Variants in CNTN4 observed in about 807,000 individuals in gnomAD.
The protein encoded by CNTN4 is contactin 4, also known as contactin-4.
Under a neutral mutation model 122.5 loss-of-function variants are expected in CNTN4, and 77 were observed. The observed-to-expected ratio is 0.63, with a 90% CI of 0.52 to 0.76. The LOEUF (loss-of-function observed/expected upper bound fraction) is 0.76. CNTN4 is among the 30% of genes least tolerant of loss of function. CNTN4 has a pLI of 0.00. For missense variants in CNTN4, 1,256 were observed against 1,259.1 expected (o/e 1.00, Z 0.04); for synonymous variants, 512 against 447.0 (o/e 1.15, Z -1.83).
At chr3:2,124,164 C>T (rs1025517658) in intron 2 of CNTN4, among the ~76,000 whole-genome samples, 4 of 151,874 alleles carry the variant, frequency 2.6e-5, no homozygotes, top group Non-Finnish European at 4.4e-5. Flanking sequence ...AATTCCCAAC[C>T]CACTGACAGA....
rs936476424 is a variant in CNTN4, at chr3:2,619,803, G to T, written c.55+48245G>T. On this transcript the variant is annotated intron_variant, in intron 4 of 24. Transcript: ENST00000418658. Reference sequence around the variant, plus strand: ...ATAACGCAACATAGACAGACTACCAGGAATGCAACTGCTTATATCCTCTCT... The same window carrying T: ...ATAACGCAACATAGACAGACTACCATGAATGCAACTGCTTATATCCTCTCT... Among the ~76,000 whole-genome samples, 27 of 152,280 alleles carry T rather than the reference G, an allele frequency of 1.8e-4. No individual in the cohort carries two copies. In the East Asian group the frequency reaches 5.2e-3, roughly 29 times the overall value.
chr3:3,048,818 C>G (rs1051698041), intron 23 of CNTN4, among the ~76,000 whole-genome samples: 9 of 152,114 alleles, frequency 5.9e-5, no homozygotes, highest in Non-Finnish European at 1.2e-4. Context: ...ACTAAGTTGT[C>G]TGAATTCTTT....
intron 2 of CNTN4, among the ~76,000 whole-genome samples, chr3:2,231,033 A>G (rs967651815): frequency 2.0e-5 from 3 of 152,210 alleles, no homozygotes; most frequent in East Asian, 3.8e-4. Context: ...AATCAAAAAT[A>G]TAATTTAAAC....
intron 17 of CNTN4, among the ~76,000 whole-genome samples, chr3:3,036,686 G>A (rs1258978055): frequency 2.0e-5 from 3 of 151,906 alleles, no homozygotes; most frequent in African/African-American, 7.3e-5. Flanking sequence ...AGAATTGCAT[G>A]AGTCTGGGAG....
At chr3:2,373,728 A>G (rs1307677435) in intron 3 of CNTN4, among the ~76,000 whole-genome samples, 1 of 152,166 alleles carries the variant, frequency 6.6e-6, no homozygotes, top group Non-Finnish European at 1.5e-5. Flanking sequence ...TAAAGCTTCT[A>G]TTGTCATATT....
rs2093883961 is a variant in CNTN4, at chr3:2,879,617, T to C, written c.653-3528T>C. The stretch of plus-strand genomic sequence containing the variant: ...AAAGACCACATATTGCACAATTTAA[T>C]TTATAGGAAATATTCAGAAAAAAAG... On this transcript the variant is annotated intron_variant, in intron 8 of 24. Transcript: ENST00000418658. Among the ~76,000 whole-genome samples the C allele has an allele frequency of 2.7e-5, 4 of 147,574 alleles. No individual in the cohort carries two copies. In the South Asian group the frequency reaches 8.8e-4, roughly 32 times the overall value.
intron 3 of CNTN4, among the ~76,000 whole-genome samples, chr3:2,410,336 A>G (rs2047184808): frequency 6.6e-6 from 1 of 152,206 alleles, no homozygotes; most frequent in South Asian, 2.1e-4. Context: ...TTAGATAAAG[A>G]TTGTTACAGA....
At chr3:2,252,566 C>G (rs1367002562) in intron 2 of CNTN4, among the ~76,000 whole-genome samples, 2 of 152,010 alleles carry the variant, frequency 1.3e-5, no homozygotes, top group African/African-American at 4.8e-5. Context: ...ACTCTTACTA[C>G]TATTTCATAG....
intron 2 of CNTN4, among the ~76,000 whole-genome samples, chr3:2,176,173 G>A (rs2036740261): frequency 1.3e-5 from 2 of 152,132 alleles, no homozygotes; most frequent in Admixed American, 1.3e-4. Flanking sequence ...CCAATGACAG[G>A]CCTTCTAGGA....
At chr3:2,690,294 A>G (rs912469405) in intron 4 of CNTN4, among the ~76,000 whole-genome samples, 1 of 152,132 alleles carries the variant, frequency 6.6e-6, no homozygotes, top group Admixed American at 6.6e-5. Flanking sequence ...TTCCCCACGA[A>G]TATTCTCATC....
At chr3:2,759,410 G>C (rs2090486165) in intron 6 of CNTN4, among the ~76,000 whole-genome samples, 1 of 152,148 alleles carries the variant, frequency 6.6e-6, no homozygotes, top group African/African-American at 2.4e-5. Context: ...GCCTCCCAAA[G>C]TGCTGGGATT....
At position 2,745,585 on chromosome 3, in the gene CNTN4, G is replaced by A. The variant is rs751787735; in HGVS notation, c.246G>A (p.Gly82=). 6.2e-7 allele frequency: 1 copy of A among 1,614,060 alleles called. No homozygotes were observed. Among genetic ancestry groups the A allele is most frequent in the South Asian group, 1.1e-5 (1 of 91,076 alleles). Residue 82 remains glycine (G), a synonymous_variant, in exon 6 of 25, where the codon GGG becomes GGA. Coordinates refer to ENST00000418658, the MANE Select transcript of CNTN4 (RefSeq NM_175607.3). ...GMDFRYSVVE[G]SLLINNPNKT... ...ATTTCCGCTACAGTGTTGTTGAAGG[G>A]AGCTTGTTGATCAATAACCCCAATA...
chr3:2,191,763 G>A (rs1376814276), intron 2 of CNTN4, among the ~76,000 whole-genome samples: 1 of 151,358 alleles, frequency 6.6e-6, no homozygotes, highest in Non-Finnish European at 1.5e-5. Context: ...TAAGTTCTAG[G>A]GTACATGTGC....
intron 6 of CNTN4, among the ~76,000 whole-genome samples, chr3:2,809,425 G>A (rs887378527): frequency 2.0e-5 from 3 of 152,194 alleles, no homozygotes; most frequent in Non-Finnish European, 2.9e-5. Context: ...GGCCATTACG[G>A]TATAACTAAG....
At chr3:2,451,191 G>C (rs1026052799) in intron 3 of CNTN4, among the ~76,000 whole-genome samples, 1 of 152,010 alleles carries the variant, frequency 6.6e-6, no homozygotes, top group Non-Finnish European at 1.5e-5. Context: ...CTTGAAACTA[G>C]GTATATTATT....
At chr3:2,552,690 G>A (rs1462028601) in intron 3 of CNTN4, among the ~76,000 whole-genome samples, 2 of 152,132 alleles carry the variant, frequency 1.3e-5, no homozygotes, top group African/African-American at 2.4e-5. Context: ...TCAAAGAGAG[G>A]AGACTTTATT....
chr3:2,690,134 GT>G (rs1431212288), intron 4 of CNTN4, among the ~76,000 whole-genome samples: 1 of 152,076 alleles, frequency 6.6e-6, no homozygotes, highest in Non-Finnish European at 1.5e-5. Context: ...AGGGCAATAG[GT>G]TTTCCAAAGT....
intron 13 of CNTN4, among the ~76,000 whole-genome samples, chr3:2,961,600 C>A (rs2094860166): frequency 2.0e-5 from 3 of 152,048 alleles, no homozygotes. Context: ...GTTGTTAAAT[C>A]CCTGCTAGAG....
chr3:2,916,174 T>A (rs529117565), intron 12 of CNTN4, among the ~76,000 whole-genome samples: 2 of 152,240 alleles, frequency 1.3e-5, no homozygotes, highest in Non-Finnish European at 2.9e-5. Context: ...AAATTTTATG[T>A]TATGTACTTT....
Sources: gnomAD v4.1 joint callset for allele counts (sites outside exome capture counted in the v4.1 genomes callset) on GRCh38, gnomAD v4.1.1 for gene constraint, MANE v1.5 for transcripts, NCBI Gene and HGNC (gene_info 2026-07-23, HGNC 2026-07-21) for gene names.